Variants in CDH4 observed in about 807,000 individuals in gnomAD.
CDH4 encodes the protein cadherin 4.
A neutral mutation model predicts 86.0 loss-of-function variants in CDH4; 33 were observed. That is an observed-to-expected ratio of 0.38 (90% CI 0.29 to 0.51). The LOEUF (loss-of-function observed/expected upper bound fraction) is 0.51. CDH4 is among the 20% of genes least tolerant of loss of function. CDH4 has a pLI of 0.86. For synonymous variants in CDH4, 555 were observed against 549.4 expected, an observed-to-expected ratio of 1.01 and a Z score of -0.14; for missense variants, 1,114 against 1,307.4, an observed-to-expected ratio of 0.85 and a Z score of 2.28.
chr20:61,807,322 C>T lies in CDH4; in HGVS notation c.576+34140C>T, dbSNP rs1980190462. Among the ~76,000 whole-genome samples the T allele has an allele frequency of 6.6e-6, 1 of 152,192 alleles. No individual in the cohort carries two copies. Among genetic ancestry groups the T allele is most frequent in the Non-Finnish European group, 1.5e-5 (1 of 68,026 alleles). ...GGCCAGACCCAGCCTTGCTGTGGCC[C>T]CGCTGGGGTCTTTGGATCTCAGGAG... On this transcript the variant is annotated intron_variant, in intron 4 of 15. Coordinates refer to ENST00000614565, the MANE Select transcript of CDH4 (RefSeq NM_001794.5). The surrounding 1 kb of genome is among the most constrained non-coding windows in gnomAD (Gnocchi z 4.5).
intron 2 of CDH4, among the ~76,000 whole-genome samples, chr20:61,664,258 G>A (rs2087297424): frequency 1.3e-5 from 2 of 152,190 alleles, no homozygotes; most frequent in African/African-American, 4.8e-5. Context: ...CTGGAGCTGT[G>A]CTGTCACCTG....
intron 2 of CDH4, among the ~76,000 whole-genome samples, chr20:61,359,952 A>G (rs1024102993): frequency 3.9e-5 from 6 of 152,242 alleles, no homozygotes; most frequent in Non-Finnish European, 8.8e-5. Context: ...TTCTGGAAGG[A>G]ATAGCAGATC....
Position 61,609,595 on chromosome 20 carries a change from G to A in CDH4, c.170-133968G>A, listed in dbSNP as rs535393330. ...AGACCCAGCACACGACACGCAGCAAGTTCCACAGGGAAATTCCAGGAGATG... is the reference window on the plus strand; with the variant it reads ...AGACCCAGCACACGACACGCAGCAAATTCCACAGGGAAATTCCAGGAGATG... On this transcript the variant is annotated intron_variant, in intron 2 of 15. Coordinates refer to ENST00000614565, the MANE Select transcript of CDH4 (RefSeq NM_001794.5). 1.1e-3 allele frequency among the ~76,000 whole-genome samples: 170 copies of A among 152,342 alleles called. 2 individuals are homozygous for A. The highest frequency in any genetic ancestry group is 3.9e-3 in the African/African-American group (162 of 41,584).
chr20:61,697,860 C>T (rs1279600777), intron 2 of CDH4, among the ~76,000 whole-genome samples: 1 of 152,242 alleles, frequency 6.6e-6, no homozygotes, highest in Non-Finnish European at 1.5e-5. Flanking sequence ...CCAGGAGACG[C>T]TTCTACCCAT....
At chr20:61,253,628 G>C (rs2084079014) in intron 1 of CDH4, among the ~76,000 whole-genome samples, 1 of 152,234 alleles carries the variant, frequency 6.6e-6, no homozygotes, top group Admixed American at 6.5e-5. Flanking sequence ...CTCCCACCGG[G>C]CTGCGGGTGC....
chr20:61,392,288 C>T lies in CDH4; in HGVS notation c.169+137351C>T, dbSNP rs959437916. Among the ~76,000 whole-genome samples, 2 of 151,932 alleles carry T rather than the reference C, an allele frequency of 1.3e-5. No homozygotes were observed. The highest frequency in any genetic ancestry group is 4.8e-5 in the African/African-American group (2 of 41,354). On this transcript the variant is annotated intron_variant, in intron 2 of 15. Coordinates refer to ENST00000614565, the MANE Select transcript of CDH4 (RefSeq NM_001794.5). The surrounding 1 kb of genome is among the most constrained non-coding windows in gnomAD (Gnocchi z 5.7). ...ACCCGAGGCAGATCCTTCCACCAAACGAGTGTTTTGCTGTCAGGACGCAGC... is the reference window on the plus strand; with the variant it reads ...ACCCGAGGCAGATCCTTCCACCAAATGAGTGTTTTGCTGTCAGGACGCAGC...
Position 61,583,151 on chromosome 20 carries a change from GGAGGGACAGAGGGCTCTGC to G in CDH4, c.170-160410_170-160392del, listed in dbSNP as rs1359561057. Among the ~76,000 whole-genome samples the G allele has an allele frequency of 5.0e-4, 15 of 30,298 alleles. 2 individuals carry two copies. Among genetic ancestry groups the G allele is most frequent in the Non-Finnish European group, 1.1e-3 (10 of 9,194 alleles). The allele number at this position is 30,298 out of a possible 152,430, so 19.9% of individuals were successfully genotyped here. On this transcript the variant is annotated intron_variant, in intron 2 of 15. Transcript: ENST00000614565. ...TCTGCGGGGGGACAGAGGGCTCTGC[GGAGGGACAGAGGGCTCTGC>G]GGGGGGGACAGAGGGCTCTGCGGAG...
chr20:61,875,069 A>G (rs6089536), intron 7 of CDH4, among the ~76,000 whole-genome samples: 110,680 of 152,098 alleles, frequency 0.73, 40,788 homozygotes, highest in Admixed American at 0.81. Context: ...TGGGGCCGGG[A>G]CTGGCAAGGA....
chr20:61,296,324 C>T (rs1250601356), intron 2 of CDH4, among the ~76,000 whole-genome samples: 7 of 145,658 alleles, frequency 4.8e-5, no homozygotes, highest in South Asian at 2.2e-4. Flanking sequence ...TGCATGCGTG[C>T]GTGTGTGTGT....
Position 61,758,913 on chromosome 20 carries a change from G to A in CDH4, c.397-14090G>A, listed in dbSNP as rs1246981838. ...CCGTTAGCTCTCGACTAGAGCTGGTGTGTGTGTGCACCTGTGTGCATGGGT... is the reference window on the plus strand; with the variant it reads ...CCGTTAGCTCTCGACTAGAGCTGGTATGTGTGTGCACCTGTGTGCATGGGT... On this transcript the variant is annotated intron_variant, in intron 3 of 15. Coordinates refer to ENST00000614565, the MANE Select transcript of CDH4 (RefSeq NM_001794.5). Among the ~76,000 whole-genome samples the A allele has an allele frequency of 2.0e-5, 3 of 152,182 alleles. No individual in the cohort carries two copies. In the East Asian group the frequency reaches 5.8e-4, roughly 29 times the overall value.
chr20:61,806,908 T>A (rs189249809), intron 4 of CDH4, among the ~76,000 whole-genome samples: 1 of 152,148 alleles, frequency 6.6e-6, no homozygotes, highest in African/African-American at 2.4e-5. Context: ...CTGGAGGACC[T>A]GGGTAAGAGC....
chr20:61,541,370 C>T lies in CDH4; in HGVS notation c.170-202193C>T, dbSNP rs1055158931. 2.0e-5 allele frequency among the ~76,000 whole-genome samples: 3 copies of T among 152,188 alleles called. No homozygotes were observed. The South Asian group carries it at 6.2e-4, about 32-fold the overall frequency. ...CGGTTTTAGCCTGGTGGTCGGCACC[C>T]TCTGCTGATGTTTTATTTGTGTGTT... On this transcript the variant is annotated intron_variant, in intron 2 of 15. Transcript: ENST00000614565.
At chr20:61,458,273 C>G (rs113448260) in intron 2 of CDH4, among the ~76,000 whole-genome samples, 3 of 149,582 alleles carry the variant, frequency 2.0e-5, no homozygotes, top group Non-Finnish European at 3.0e-5. Flanking sequence ...AGTGCTGATG[C>G]TGGTGGTGGT....
chr20:61,897,685 T>G (rs939944863), intron 8 of CDH4, among the ~76,000 whole-genome samples: 4 of 152,138 alleles, frequency 2.6e-5, no homozygotes, highest in African/African-American at 9.7e-5. Flanking sequence ...TGGCATTTAT[T>G]AGAGAGAGGC....
intron 2 of CDH4, among the ~76,000 whole-genome samples, chr20:61,549,815 C>T (rs967535141): frequency 3.9e-5 from 6 of 152,238 alleles, no homozygotes; most frequent in Non-Finnish European, 8.8e-5. Flanking sequence ...TTCCCCAAAT[C>T]ACAAAGAGGA....
rs191887459 is a variant in CDH4 at position 61,280,709 on chromosome 20, G to A, written c.169+25772G>A. ...AGAGGCCCTGACATCTAGTGATGGG[G>A]ATGTGGGGGCAGCACAGTTCCAGCA... On this transcript the variant is annotated intron_variant, in intron 2 of 15. Coordinates refer to ENST00000614565, the MANE Select transcript of CDH4 (RefSeq NM_001794.5). Among the ~76,000 whole-genome samples the A allele has an allele frequency of 3.3e-3, 502 of 152,356 alleles. 1 individual carries two copies. Among genetic ancestry groups the A allele is most frequent in the Non-Finnish European group, 5.3e-3 (358 of 68,024 alleles).
At chr20:61,493,087 A>C (rs1326927346) in intron 2 of CDH4, among the ~76,000 whole-genome samples, 1 of 152,252 alleles carries the variant, frequency 6.6e-6, no homozygotes, top group Non-Finnish European at 1.5e-5. Flanking sequence ...ACTCTAATAA[A>C]GTCACTCAAA....
At chr20:61,413,111 C>G (rs1023760073) in intron 2 of CDH4, among the ~76,000 whole-genome samples, 1 of 152,162 alleles carries the variant, frequency 6.6e-6, no homozygotes, top group African/African-American at 2.4e-5. Context: ...TTTAAATCAT[C>G]CTTCATGGCA....
intron 6 of CDH4, 60 bp downstream of exon 6, chr20:61,852,958 C>T (rs1483926779): frequency 6.4e-7 from 1 of 1,558,136 alleles, no homozygotes; most frequent in Non-Finnish European, 8.8e-7. Flanking sequence ...GCAGCACAGG[C>T]CCTGAGGGCA....
Sources: gnomAD v4.1 joint callset for allele counts (sites outside exome capture counted in the v4.1 genomes callset) on GRCh38, gnomAD v4.1.1 for gene constraint, Gnocchi (gnomAD v3.1) non-coding constraint, MANE v1.5 for transcripts, NCBI Gene and HGNC (gene_info 2026-07-23, HGNC 2026-07-21) for gene names.